Variants in ELAVL2 observed in about 807,000 individuals in gnomAD.
The protein encoded by ELAVL2 is ELAV like RNA binding protein 2, also known as ELAV-like protein 2.
Under a neutral mutation model 34.6 loss-of-function variants are expected in ELAVL2, and 4 were observed. The observed-to-expected ratio is 0.12, with a 90% CI of 0.06 to 0.26. The LOEUF (loss-of-function observed/expected upper bound fraction) is 0.26, where lower values mean the gene tolerates loss of function less well. Ranked by LOEUF, ELAVL2 falls within the 10% of genes least tolerant of loss-of-function variation. The probability of loss-of-function intolerance (pLI) is 1.00; values close to 1 mark genes in which losing one functional copy is unlikely to be tolerated. For missense variants in ELAVL2, 432 were observed against 442.8 expected (o/e 0.98, Z 0.22); for synonymous variants, 193 against 154.8 (o/e 1.25, Z -1.83).
chr9:23,710,969 G>A (rs2040777533), intron 3 of ELAVL2, among the ~76,000 whole-genome samples: 1 of 152,120 alleles, frequency 6.6e-6, no homozygotes, highest in Non-Finnish European at 1.5e-5. Flanking sequence ...AAAGGAAGAT[G>A]TGTACTTTGA....
At chr9:23,774,515 A>G (rs2057887604) in intron 1 of ELAVL2, among the ~76,000 whole-genome samples, 3 of 152,218 alleles carry the variant, frequency 2.0e-5, no homozygotes, top group Admixed American at 2.0e-4. Context: ...TTTTACTTGC[A>G]ATGCTGCAAT....
At chr9:23,762,959 T>A (rs754742910) in intron 1 of ELAVL2, among the ~76,000 whole-genome samples, 2 of 152,078 alleles carry the variant, frequency 1.3e-5, no homozygotes, top group African/African-American at 4.8e-5. Context: ...AGGACACTCC[T>A]GTCAACCTTG....
intron 4 of ELAVL2, among the ~76,000 whole-genome samples, chr9:23,704,653 G>C (rs1017584348): frequency 5.3e-5 from 8 of 152,124 alleles, no homozygotes; most frequent in African/African-American, 1.9e-4. Context: ...GAAGATTATA[G>C]CATCTATAAA....
At chr9:23,800,876 T>C (rs1448148084) in intron 1 of ELAVL2, among the ~76,000 whole-genome samples, 1 of 152,166 alleles carries the variant, frequency 6.6e-6, no homozygotes, top group Non-Finnish European at 1.5e-5. Flanking sequence ...CAGAGGATCC[T>C]ATTCACATTA....
intron 3 of ELAVL2, among the ~76,000 whole-genome samples, chr9:23,727,506 A>G (rs532882199): frequency 5.2e-4 from 79 of 152,256 alleles, no homozygotes; most frequent in South Asian, 1.7e-3. Flanking sequence ...AACTTTGCAC[A>G]CACAAATACC....
the ELAVL2 span, among the ~76,000 whole-genome samples, chr9:23,842,185 G>A: frequency 1.5e-4 from 23 of 152,260 alleles, no homozygotes; most frequent in South Asian, 8.3e-4. Flanking sequence ...CCCCTTCAGA[G>A]TTTTTCGTTT....
At chr9:23,707,087 T>C (rs566971764) in intron 3 of ELAVL2, among the ~76,000 whole-genome samples, 267 of 152,306 alleles carry the variant, frequency 1.8e-3, no homozygotes, top group Non-Finnish European at 3.2e-3. Context: ...AAAACATACA[T>C]AACTATTCAT....
chr9:23,704,989 T>C lies in ELAVL2; in HGVS notation c.416A>G (p.Lys139Arg). The change falls in exon 4 of 7, where the codon AAG becomes AGG. Residue 139 changes from lysine to arginine, a missense_variant. Physicochemically the swap from Lys to Arg is conservative, Grantham distance 26. Coordinates refer to ENST00000397312, the MANE Select transcript of ELAVL2 (RefSeq NM_004432.5). ...TTGTGAAAAAAGCTGTTCCAACTCC[T>C]TCTGGGTCATTGTTTTTGGAAGTCC... ...VSGLPKTMTQ[K>R]ELEQLFSQYG... 1.2e-6 allele frequency: 2 copies of C among 1,614,162 alleles called. No homozygotes were observed. Among genetic ancestry groups the C allele is most frequent in the Non-Finnish European group, 1.7e-6 (2 of 1,180,010 alleles).
intron 2 of ELAVL2, among the ~76,000 whole-genome samples, chr9:23,731,350 A>C (rs1024923616): frequency 6.7e-6 from 1 of 150,178 alleles, no homozygotes; most frequent in African/African-American, 2.4e-5. Context: ...GAAAAAAAAA[A>C]CACACATCCC....
chr9:23,712,611 C>A (rs961889944), intron 3 of ELAVL2, among the ~76,000 whole-genome samples: 4 of 152,082 alleles, frequency 2.6e-5, no homozygotes, highest in Non-Finnish European at 2.9e-5. Context: ...TTAAAACGTA[C>A]CAACCTACAA....
chr9:23,741,110 G>C (rs1485783623), intron 2 of ELAVL2, among the ~76,000 whole-genome samples: 1 of 152,156 alleles, frequency 6.6e-6, no homozygotes, highest in Non-Finnish European at 1.5e-5. Context: ...GCTTGAAAAA[G>C]AGAACTCTTT....
chr9:23,823,533 T>C (rs2065082788), intron 1 of ELAVL2, among the ~76,000 whole-genome samples: 1 of 152,202 alleles, frequency 6.6e-6, no homozygotes, highest in Non-Finnish European at 1.5e-5. Flanking sequence ...GGGGAAGAAG[T>C]GCCTGCTGTA....
At chr9:23,706,652 A>G (rs767605120) in intron 3 of ELAVL2, among the ~76,000 whole-genome samples, 3 of 152,192 alleles carry the variant, frequency 2.0e-5, no homozygotes, top group Admixed American at 6.5e-5. Flanking sequence ...AAAATGGTCA[A>G]TGTGTCTGGG....
At chr9:23,745,410 T>C (rs1214196841) in intron 2 of ELAVL2, among the ~76,000 whole-genome samples, 1 of 152,156 alleles carries the variant, frequency 6.6e-6, no homozygotes, top group Non-Finnish European at 1.5e-5. Context: ...CACTTTAAGC[T>C]ACCTGAACAG....
At chr9:23,833,674 T>G in the ELAVL2 span, among the ~76,000 whole-genome samples, 1 of 151,880 alleles carries the variant, frequency 6.6e-6, no homozygotes, top group Admixed American at 6.6e-5. Flanking sequence ...TCTAAAGGCA[T>G]AGCAATTCAT....
chr9:23,776,175 G>A (rs910363731), intron 1 of ELAVL2, among the ~76,000 whole-genome samples: 1 of 152,072 alleles, frequency 6.6e-6, no homozygotes, highest in African/African-American at 2.4e-5. Context: ...ACTGTCAAGG[G>A]GAAAAAGGGG....
At chr9:23,797,243 A>G (rs1484740787) in intron 1 of ELAVL2, among the ~76,000 whole-genome samples, 1 of 152,216 alleles carries the variant, frequency 6.6e-6, no homozygotes, top group Non-Finnish European at 1.5e-5. Flanking sequence ...CTCTGTTTAA[A>G]AGAAAAACAC....
intron 3 of ELAVL2, among the ~76,000 whole-genome samples, chr9:23,730,180 G>A (rs79657625): frequency 0.016 from 2,372 of 152,180 alleles, 53 homozygotes; most frequent in East Asian, 0.12. Flanking sequence ...ATTTGCTAGA[G>A]GCGACATCCC....
intron 2 of ELAVL2, among the ~76,000 whole-genome samples, chr9:23,739,147 G>C (rs900410264): frequency 6.6e-6 from 1 of 152,162 alleles, no homozygotes; most frequent in African/African-American, 2.4e-5. Context: ...AAAATTATGT[G>C]CAGTAGGAAA....
Sources: allele counts gnomAD v4.1 joint callset (sites outside exome capture counted in the v4.1 genomes callset), GRCh38; gene constraint gnomAD v4.1.1; transcripts MANE v1.5; gene names NCBI Gene and HGNC (gene_info 2026-07-23, HGNC 2026-07-21).